Variants in SEM1 observed in about 807,000 individuals in gnomAD.
The protein encoded by SEM1 is 26S proteasome complex subunit SEM1.
In SEM1, 3 loss-of-function variants were observed where a neutral mutation model predicts 12.7. The ratio of observed to expected loss-of-function variants is 0.24; its 90% confidence interval spans 0.11 to 0.61. The LOEUF is 0.61. SEM1 is among the 20% of genes least tolerant of loss of function. The probability of loss-of-function intolerance (pLI) is 0.88; values close to 1 mark genes in which losing one functional copy is unlikely to be tolerated. For synonymous variants in SEM1, 30 were observed against 27.8 expected, an observed-to-expected ratio of 1.08 and a Z score of -0.25; for missense variants, 59 against 81.3, an observed-to-expected ratio of 0.73 and a Z score of 1.06.
intron 2 of SEM1, among the ~76,000 whole-genome samples, chr7:96,559,157 T>C (rs910302610): frequency 5.9e-5 from 9 of 152,208 alleles, no homozygotes; most frequent in African/African-American, 2.2e-4. Context: ...GTATCCATAA[T>C]CCCATCACTC....
upstream of SEM1, among the ~76,000 whole-genome samples, chr7:96,496,991 A>G (rs796187712): frequency 1.4e-5 from 2 of 148,086 alleles, no homozygotes; most frequent in African/African-American, 5.2e-5. Context: ...ACACACACAC[A>G]TGCGCACGAG....
At chr7:96,671,360 T>C (rs1789311294), downstream of SEM1, among the ~76,000 whole-genome samples, 2 of 152,174 alleles carry the variant, frequency 1.3e-5, no homozygotes, top group African/African-American at 4.8e-5. Flanking sequence ...TACATCTTAT[T>C]GAAAACCAGC....
chr7:96,613,756 T>A (rs1432154450), intron 2 of SEM1, among the ~76,000 whole-genome samples: 2 of 152,216 alleles, frequency 1.3e-5, no homozygotes, highest in Non-Finnish European at 2.9e-5. Context: ...TTCTTTGAGT[T>A]TGACATTTAT....
chr7:96,666,483 A>AC (rs200819564), intron 2 of SEM1, among the ~76,000 whole-genome samples: 1,599 of 152,278 alleles, frequency 0.011, 18 homozygotes, highest in Middle Eastern at 0.024. Context: ...AAGAGATAGT[A>AC]TAACATCCAG....
intron 2 of SEM1, chr7:96,664,117 G>A (rs1182387336): frequency 6.6e-6 from 1 of 152,178 alleles, no homozygotes; most frequent in Non-Finnish European, 1.5e-5. Context: ...TCCACTCTTA[G>A]TTATATATCT....
chr7:96,533,120 C>T (rs1804687866), intron 2 of SEM1, among the ~76,000 whole-genome samples: 1 of 152,014 alleles, frequency 6.6e-6, no homozygotes, highest in African/African-American at 2.4e-5. Context: ...CAAGCTGAAC[C>T]CCAATGCCAC....
At chr7:96,664,720 C>A (rs1584846995) in intron 2 of SEM1, among the ~76,000 whole-genome samples, 1 of 152,142 alleles carries the variant, frequency 6.6e-6, no homozygotes, top group Admixed American at 6.5e-5. Context: ...AAGACACTTA[C>A]ACACACACCA....
chr7:96,677,093 G>A (rs1391164148), intron 2 of SEM1, among the ~76,000 whole-genome samples: 2 of 152,134 alleles, frequency 1.3e-5, no homozygotes, highest in Admixed American at 6.6e-5. Flanking sequence ...AAAGCAATCA[G>A]CGAACAAGGT....
rs186802535 is a variant in SEM1, at chr7:96,487,502, G to A, written c.13-1085C>T. ...ATTTTGTGCCCTACGGTGAGTGGCT[G>A]ACTCGCCTCACTCTAGTGCCAACCC... On this transcript the variant is annotated intron_variant, in intron 1 of 3. Transcript: ENST00000356686. Among the ~76,000 whole-genome samples, 5 of 149,868 alleles carry A rather than the reference G, an allele frequency of 3.3e-5. 1 individual carries two copies. Among genetic ancestry groups the A allele is most frequent in the Admixed American group, 1.3e-4 (2 of 15,202 alleles).
At chr7:96,608,992 G>A (rs372956553) in intron 2 of SEM1, among the ~76,000 whole-genome samples, 15 of 152,266 alleles carry the variant, frequency 9.9e-5, no homozygotes, top group Admixed American at 1.3e-4. Flanking sequence ...ATACCCAATC[G>A]TATTTAACTT....
chr7:96,586,356 G>T (rs73708360), intron 2 of SEM1, among the ~76,000 whole-genome samples: 4,878 of 152,218 alleles, frequency 0.032, 237 homozygotes, highest in African/African-American at 0.11. Context: ...TCCCAGCAAA[G>T]AAGATATTGA....
At chr7:96,561,462 C>T (rs1326470959) in intron 2 of SEM1, among the ~76,000 whole-genome samples, 1 of 152,110 alleles carries the variant, frequency 6.6e-6, no homozygotes, top group Non-Finnish European at 1.5e-5. Context: ...AGACTGATGC[C>T]CTGGTCCCCT....
intron 2 of SEM1, among the ~76,000 whole-genome samples, chr7:96,595,838 G>A (rs940069284): frequency 3.3e-5 from 5 of 152,030 alleles, no homozygotes; most frequent in Non-Finnish European, 1.5e-5. Context: ...TGAAGTGAAC[G>A]CTGAGGTTGT....
intron 2 of SEM1, among the ~76,000 whole-genome samples, chr7:96,553,357 G>C (rs1251286066): frequency 2.0e-5 from 3 of 150,986 alleles, no homozygotes; most frequent in Non-Finnish European, 4.4e-5. Context: ...AATCCATCTT[G>C]AATTGATTTT....
At chr7:96,696,090 A>C (rs1790086531) in intron 1 of SEM1, 1 of 151,878 alleles carries the variant, frequency 6.6e-6, no homozygotes, top group Admixed American at 6.6e-5. Flanking sequence ...ATATTTAAGA[A>C]TGGTACAATT....
chr7:96,644,590 A>G (rs1169649786), intron 2 of SEM1, among the ~76,000 whole-genome samples: 6 of 152,118 alleles, frequency 3.9e-5, no homozygotes, highest in African/African-American at 1.4e-4. Context: ...CTCTGTTCCT[A>G]TCTATTCTAA....
chr7:96,510,052 T>C (rs1803889933), intron 2 of SEM1, among the ~76,000 whole-genome samples: 1 of 152,166 alleles, frequency 6.6e-6, no homozygotes, highest in Admixed American at 6.6e-5. Context: ...AGTGATACAT[T>C]TTTTCTTACA....
intron 2 of SEM1, among the ~76,000 whole-genome samples, chr7:96,691,684 C>T (rs1791164068): frequency 6.6e-6 from 1 of 152,164 alleles, no homozygotes; most frequent in Admixed American, 6.5e-5. Flanking sequence ...TTAATCAAGA[C>T]AAATTTTTTA....
At chr7:96,624,083 G>A (rs367618440) in intron 2 of SEM1, among the ~76,000 whole-genome samples, 4 of 152,022 alleles carry the variant, frequency 2.6e-5, no homozygotes, top group African/African-American at 4.8e-5. Context: ...TCCAAATAAG[G>A]TAACATTCCA....
Sources: gnomAD v4.1 joint callset for allele counts (sites outside exome capture counted in the v4.1 genomes callset) on GRCh38, gnomAD v4.1.1 for gene constraint, MANE v1.5 for transcripts, NCBI Gene and HGNC (gene_info 2026-07-23, HGNC 2026-07-21) for gene names.